Variants in UMAD1 observed in about 807,000 individuals in gnomAD.
UMAD1 encodes the protein UBAP1-MVB12-associated (UMA) domain containing 1.
Under a neutral mutation model 6.1 loss-of-function variants are expected in UMAD1, and 8 were observed. That is an observed-to-expected ratio of 1.30 (90% CI 0.76 to 2.35). The LOEUF is 2.35. Among genes scored for constraint, UMAD1 ranks in the 30% most tolerant of loss-of-function variants. The pLI, the probability that UMAD1 is intolerant of heterozygous loss-of-function variation, is 0.00. For missense variants in UMAD1, 130 were observed against 78.4 expected (o/e 1.66, Z -2.49); for synonymous variants, 56 against 31.4 (o/e 1.78, Z -2.61).
intron 1 of UMAD1, among the ~76,000 whole-genome samples, chr7:7,645,965 G>A (rs959581636): frequency 2.6e-5 from 4 of 152,060 alleles, no homozygotes; most frequent in South Asian, 2.1e-4. Flanking sequence ...GGTGTGGCTC[G>A]TTTGCTCGGC....
At chr7:7,862,214 A>C (rs976355827) in intron 3 of UMAD1, among the ~76,000 whole-genome samples, 4 of 152,160 alleles carry the variant, frequency 2.6e-5, no homozygotes, top group Non-Finnish European at 5.9e-5. Flanking sequence ...TTTATATAAA[A>C]ACAAATTAGT....
chr7:7,643,753 G>T (rs6972655), intron 1 of UMAD1, among the ~76,000 whole-genome samples: 123,938 of 148,856 alleles, frequency 0.83, 51,618 homozygotes, highest in East Asian at 0.89. Context: ...AAGGATCAAC[G>T]GTTAAATCGG....
intron 3 of UMAD1, among the ~76,000 whole-genome samples, chr7:7,837,460 C>T (rs986157030): frequency 5.9e-5 from 9 of 152,016 alleles, no homozygotes; most frequent in South Asian, 2.1e-4. Flanking sequence ...CCAACAACTC[C>T]GTAGAGAAGT....
chr7:7,702,271 G>A (rs1455894051), intron 2 of UMAD1, among the ~76,000 whole-genome samples: 1 of 152,154 alleles, frequency 6.6e-6, no homozygotes, highest in Non-Finnish European at 1.5e-5. Flanking sequence ...TCACAAGTTA[G>A]TAATTATTGA....
intron 3 of UMAD1, among the ~76,000 whole-genome samples, chr7:7,848,275 T>G (rs900893410): frequency 2.0e-5 from 3 of 152,182 alleles, no homozygotes; most frequent in Admixed American, 1.3e-4. Context: ...GTGTTTTAGT[T>G]TGCCATCTCA....
intron 2 of UMAD1, among the ~76,000 whole-genome samples, chr7:7,723,023 G>T (rs1373685513): frequency 8.7e-6 from 1 of 115,544 alleles, no homozygotes; most frequent in South Asian, 3.3e-4. Flanking sequence ...CACTGCCTGA[G>T]GCAACAGTGA....
rs17138589 is a variant in UMAD1, at chr7:7,850,869, T to G, written c.157-26412T>G. 5.3e-3 allele frequency among the ~76,000 whole-genome samples: 801 copies of G among 152,254 alleles called. 8 individuals carry two copies. Among genetic ancestry groups the G allele is most frequent in the African/African-American group, 0.018 (755 of 41,580 alleles). The stretch of plus-strand genomic sequence containing the variant: ...GCACCTTATAAGTAGAATATACATT[T>G]CTTTTAAGTTCATCTAAATATTATA... On this transcript the variant is annotated intron_variant, in intron 3 of 3. Transcript: ENST00000682710.
chr7:7,866,661 C>T (rs180929253), intron 3 of UMAD1, among the ~76,000 whole-genome samples: 10 of 152,274 alleles, frequency 6.6e-5, no homozygotes, highest in Admixed American at 3.9e-4. Context: ...GTTTGGTTAA[C>T]AGCGGATAGC....
chr7:7,809,880 ATAGT>A (rs1782989991), intron 3 of UMAD1, among the ~76,000 whole-genome samples: 1 of 152,046 alleles, frequency 6.6e-6, no homozygotes, highest in South Asian at 2.1e-4. Flanking sequence ...TTTATTTCAG[ATAGT>A]TATTGAAATG....
intron 2 of UMAD1, among the ~76,000 whole-genome samples, chr7:7,769,336 T>G (rs1277634464): frequency 6.6e-6 from 1 of 152,154 alleles, no homozygotes; most frequent in African/African-American, 2.4e-5. Flanking sequence ...TTTTAAGTTT[T>G]GGAGAACTTT....
At chr7:7,735,598 T>C (rs113019976) in intron 2 of UMAD1, 12,216 of 152,192 alleles carry the variant, frequency 0.08, 575 homozygotes, top group African/African-American at 0.12. Flanking sequence ...TTAGTGGAGA[T>C]GGGGTTTCGC....
chr7:7,822,298 A>G (rs1001170093), intron 3 of UMAD1, among the ~76,000 whole-genome samples: 2 of 152,084 alleles, frequency 1.3e-5, no homozygotes, highest in Non-Finnish European at 2.9e-5. Flanking sequence ...TGAAATCTGT[A>G]AGGTCAGTCT....
chr7:7,684,022 G>T (rs748867065), intron 2 of UMAD1, among the ~76,000 whole-genome samples: 1 of 152,106 alleles, frequency 6.6e-6, no homozygotes, highest in Non-Finnish European at 1.5e-5. Context: ...GACGCTCAAC[G>T]CTCTGATATA....
In UMAD1 at chr7:7,878,295, T is replaced by C. The variant is rs1424533983; in HGVS notation, c.*757T>C. The C allele has an allele frequency of 6.6e-6, 1 of 152,258 alleles. No homozygotes were observed. Among genetic ancestry groups the C allele is most frequent in the Non-Finnish European group, 1.5e-5 (1 of 68,074 alleles). The allele number at this position is 152,258 out of a possible 1,614,324, so 9.4% of individuals were successfully genotyped here. ...TGCCATTTGCTCTCCTTACCACATA[T>C]GTTCCCAGTTTATGAAGAGATCCAC... On this transcript the variant is annotated 3_prime_UTR_variant, in exon 4 of 4. Coordinates refer to ENST00000682710, the MANE Select transcript of UMAD1 (RefSeq NM_001302348.2).
chr7:7,705,748 A>G (rs550844009), intron 2 of UMAD1, among the ~76,000 whole-genome samples: 2 of 152,314 alleles, frequency 1.3e-5, no homozygotes, highest in Non-Finnish European at 1.5e-5. Flanking sequence ...CCAAACTCAT[A>G]GAATATAAAA....
At chr7:7,759,758 G>T (rs1781846813) in intron 2 of UMAD1, among the ~76,000 whole-genome samples, 1 of 152,038 alleles carries the variant, frequency 6.6e-6, no homozygotes, top group Non-Finnish European at 1.5e-5. Flanking sequence ...AAGGAGGAAT[G>T]GAGATGCTTT....
At chr7:7,815,298 G>T (rs1459357043) in intron 3 of UMAD1, among the ~76,000 whole-genome samples, 1 of 152,048 alleles carries the variant, frequency 6.6e-6, no homozygotes, top group African/African-American at 2.4e-5. Flanking sequence ...TTATTTGTAT[G>T]TCTATATACA....
chr7:7,819,452 C>T (rs970741615), intron 3 of UMAD1, among the ~76,000 whole-genome samples: 2 of 152,026 alleles, frequency 1.3e-5, no homozygotes, highest in African/African-American at 2.4e-5. Context: ...TGCAGGGTCT[C>T]TTTAGGTATG....
intron 3 of UMAD1, among the ~76,000 whole-genome samples, chr7:7,866,334 G>T (rs1389946942): frequency 6.6e-6 from 1 of 152,222 alleles, no homozygotes; most frequent in Non-Finnish European, 1.5e-5. Context: ...GGGGGTGACA[G>T]GGAATTCTAG....
Sources: allele counts gnomAD v4.1 joint callset (sites outside exome capture counted in the v4.1 genomes callset), GRCh38; gene constraint gnomAD v4.1.1; transcripts MANE v1.5; gene names NCBI Gene and HGNC (gene_info 2026-07-23, HGNC 2026-07-21).